Variants in FGF14 observed in about 807,000 individuals in gnomAD.
FGF14 encodes fibroblast growth factor 14.
Under a neutral mutation model 25.5 loss-of-function variants are expected in FGF14, and 5 were observed. The observed-to-expected ratio is 0.20, with a 90% CI of 0.10 to 0.41. The LOEUF (loss-of-function observed/expected upper bound fraction) is 0.41. Among genes scored for constraint, FGF14 ranks in the 10% least tolerant of loss-of-function variants. FGF14 has a pLI of 1.00. For synonymous variants in FGF14, 138 were observed against 118.3 expected, an observed-to-expected ratio of 1.17 and a Z score of -1.08; for missense variants, 222 against 320.1, an observed-to-expected ratio of 0.69 and a Z score of 2.34.
intron 1 of FGF14, among the ~76,000 whole-genome samples, chr13:102,380,272 G>A (rs567943788): frequency 2.8e-4 from 42 of 152,118 alleles, no homozygotes; most frequent in African/African-American, 8.9e-4. Context: ...AGAATGTCAT[G>A]GAACAGGCAT....
chr13:102,324,299 T>C (rs1000933523), intron 1 of FGF14, among the ~76,000 whole-genome samples: 1 of 152,162 alleles, frequency 6.6e-6, no homozygotes, highest in Non-Finnish European at 1.5e-5. Flanking sequence ...GCTTGGGCTC[T>C]AGGGTTAGAC....
At chr13:102,222,559 A>G (rs971708732) in intron 1 of FGF14, among the ~76,000 whole-genome samples, 2 of 152,190 alleles carry the variant, frequency 1.3e-5, no homozygotes, top group Non-Finnish European at 2.9e-5. Context: ...CCTAGCTGTT[A>G]AAGAATTCTC....
At chr13:102,224,543 T>A (rs768956170) in intron 1 of FGF14, among the ~76,000 whole-genome samples, 1 of 152,130 alleles carries the variant, frequency 6.6e-6, no homozygotes, top group Non-Finnish European at 1.5e-5. Context: ...GAGGGCAACA[T>A]TCAGGGTCCT....
chr13:102,278,912 AC>A (rs2053685918), intron 1 of FGF14, among the ~76,000 whole-genome samples: 1 of 152,166 alleles, frequency 6.6e-6, no homozygotes, highest in South Asian at 2.1e-4. Flanking sequence ...TGCCCAGGAA[AC>A]AAAGATGATG....
At chr13:101,751,173 G>A (rs2037247018) in intron 3 of FGF14, among the ~76,000 whole-genome samples, 1 of 152,048 alleles carries the variant, frequency 6.6e-6, no homozygotes, top group Non-Finnish European at 1.5e-5. Flanking sequence ...AACACCTAGA[G>A]TTAACTCTAA....
At chr13:102,008,473 T>G (rs1219139644) in intron 1 of FGF14, among the ~76,000 whole-genome samples, 1 of 152,196 alleles carries the variant, frequency 6.6e-6, no homozygotes, top group Non-Finnish European at 1.5e-5. Flanking sequence ...CCCATTAAAC[T>G]GTGATATTAT....
intron 1 of FGF14, among the ~76,000 whole-genome samples, chr13:101,945,431 C>T (rs1460567556): frequency 6.6e-6 from 1 of 152,218 alleles, no homozygotes; most frequent in Non-Finnish European, 1.5e-5. Flanking sequence ...TTCACTTGCT[C>T]TACTCCTGTT....
rs933716905 is a variant in FGF14 at position 102,014,843 on chromosome 13, G to A, written c.209-139547C>T. On this transcript the variant is annotated intron_variant, in intron 1 of 4. Coordinates refer to the FGF14 transcript ENST00000376131. ...GATGGAAAGAGGGCATGAGAATTAAGAACGGTCATGTGTGTAAAATATGGT... is the reference window on the plus strand; with the variant it reads ...GATGGAAAGAGGGCATGAGAATTAAAAACGGTCATGTGTGTAAAATATGGT... Among the ~76,000 whole-genome samples the A allele has an allele frequency of 8.5e-5, 13 of 152,280 alleles. No homozygotes were observed. In the East Asian group the frequency reaches 2.5e-3, roughly 29 times the overall value.
intron 1 of FGF14, among the ~76,000 whole-genome samples, chr13:102,352,911 T>C (rs2057329576): frequency 6.6e-6 from 1 of 151,904 alleles, no homozygotes; most frequent in Non-Finnish European, 1.5e-5. Flanking sequence ...TCTCTTATAA[T>C]AGACTGCTCT....
intron 1 of FGF14, among the ~76,000 whole-genome samples, chr13:101,878,192 C>T (rs533044535): frequency 6.6e-6 from 1 of 152,214 alleles, no homozygotes; most frequent in Non-Finnish European, 1.5e-5. Context: ...TAATTTCCCA[C>T]ATCTATCCTG....
intron 1 of FGF14, among the ~76,000 whole-genome samples, chr13:101,978,003 A>T (rs1215036157): frequency 6.6e-6 from 1 of 152,044 alleles, no homozygotes; most frequent in Admixed American, 6.5e-5. Context: ...AGTGAACTAA[A>T]ATTTCCATTT....
intron 1 of FGF14, among the ~76,000 whole-genome samples, chr13:102,126,803 A>G (rs978147715): frequency 6.6e-6 from 1 of 152,202 alleles, no homozygotes. Context: ...AGTAATTACC[A>G]TCATTAGCCA....
intron 1 of FGF14, among the ~76,000 whole-genome samples, chr13:102,141,943 A>C (rs1162189212): frequency 6.6e-6 from 1 of 152,202 alleles, no homozygotes; most frequent in Middle Eastern, 3.2e-3. Flanking sequence ...GAAAAATCAA[A>C]ACATACTCAT....
chr13:101,843,878 T>C lies in FGF14; in HGVS notation c.408+24847A>G, dbSNP rs184732040. Among the ~76,000 whole-genome samples the C allele has an allele frequency of 1.2e-3, 185 of 152,110 alleles. 2 individuals carry two copies. Among genetic ancestry groups the C allele is most frequent in the African/African-American group, 4.2e-3 (176 of 41,542 alleles). On this transcript the variant is annotated intron_variant, in intron 3 of 4. Transcript: ENST00000376143. The stretch of plus-strand genomic sequence containing the variant: ...CTCTGTGGGATTTACAGTAAGAACA[T>C]GAGACCTACAAATAGAACAAATACT...
intron 1 of FGF14, among the ~76,000 whole-genome samples, chr13:102,039,280 G>A (rs2041618675): frequency 6.6e-6 from 1 of 152,158 alleles, no homozygotes; most frequent in South Asian, 2.1e-4. Flanking sequence ...TTCACCAGAT[G>A]GAAAATAATT....
At chr13:101,838,228 ACTT>A (rs1175244454) in intron 3 of FGF14, among the ~76,000 whole-genome samples, 2 of 151,856 alleles carry the variant, frequency 1.3e-5, no homozygotes, top group Non-Finnish European at 2.9e-5. Flanking sequence ...CTCAATAGGG[ACTT>A]CTTCTTAACC....
chr13:101,740,872 A>G (rs529897483), intron 3 of FGF14, among the ~76,000 whole-genome samples: 1 of 152,292 alleles, frequency 6.6e-6, no homozygotes, highest in African/African-American at 2.4e-5. Context: ...GCATTCCTAT[A>G]ACAAAGACAA....
chr13:101,967,038 A>G (rs532218894), intron 1 of FGF14, among the ~76,000 whole-genome samples: 1 of 152,076 alleles, frequency 6.6e-6, no homozygotes, highest in South Asian at 2.1e-4. Flanking sequence ...GGACTGACAT[A>G]ATGCTATTTT....
chr13:101,834,641 G>A (rs1326675106), intron 3 of FGF14, among the ~76,000 whole-genome samples: 1 of 151,916 alleles, frequency 6.6e-6, no homozygotes, highest in African/African-American at 2.4e-5. Context: ...ATTCTCAACA[G>A]GACAATCATT....
Sources: allele counts gnomAD v4.1 joint callset (sites outside exome capture counted in the v4.1 genomes callset), GRCh38; gene constraint gnomAD v4.1.1; transcripts MANE v1.5; gene names NCBI Gene and HGNC (gene_info 2026-07-23, HGNC 2026-07-21).